DOCK3: variants seen among roughly 807,000 people sequenced by gnomAD.
DOCK3 encodes dedicator of cytokinesis protein 3.
Under a neutral mutation model 265.6 loss-of-function variants are expected in DOCK3, and 60 were observed. The ratio of observed to expected loss-of-function variants is 0.23; its 90% confidence interval spans 0.18 to 0.28. The LOEUF (loss-of-function observed/expected upper bound fraction) is 0.28, where lower values mean the gene tolerates loss of function less well. Among genes scored for constraint, DOCK3 ranks in the 10% least tolerant of loss-of-function variants. The probability of loss-of-function intolerance (pLI) is 1.00; values close to 1 mark genes in which losing one functional copy is unlikely to be tolerated. For synonymous variants in DOCK3, 881 were observed against 938.0 expected, an observed-to-expected ratio of 0.94 and a Z score of 1.11; for missense variants, 1,981 against 2,594.3, an observed-to-expected ratio of 0.76 and a Z score of 5.14.
rs1380117937 is a variant in DOCK3, at chr3:51,075,262, CACAAGATG to C, written c.465-93_465-86del. On this transcript the variant is annotated intron_variant, in intron 6 of 52. Coordinates refer to ENST00000266037, the MANE Select transcript of DOCK3 (RefSeq NM_004947.5). ...CTAGGACAGTGTCTGATCCTCTGTCCACAAGATGTGGCAGGTATGGGTTCCCAGGCACA... is the reference window on the plus strand; with the variant it reads ...CTAGGACAGTGTCTGATCCTCTGTCCTGGCAGGTATGGGTTCCCAGGCACA... 2.7e-5 allele frequency: 27 copies of C among 985,716 alleles called. No homozygotes were observed. The East Asian group carries it at 5.2e-4, about 19-fold the overall frequency. The allele number at this position is 985,716 out of a possible 1,614,324, so 61.1% of individuals were successfully genotyped here. A position where few individuals can be genotyped will look rare whatever the true frequency, so the allele number is the denominator to read the frequency against.
At chr3:50,789,450 G>A (rs999791440) in intron 2 of DOCK3, among the ~76,000 whole-genome samples, 3 of 152,168 alleles carry the variant, frequency 2.0e-5, no homozygotes, top group Non-Finnish European at 4.4e-5. Context: ...TGTATATTCT[G>A]CAGTTGTTGG....
rs975374329 is a variant in DOCK3 at position 50,819,697 on chromosome 3, C to T, written c.122-21978C>T. On this transcript the variant is annotated intron_variant, in intron 2 of 52. Transcript: ENST00000266037. ...CCATGGTGAGCCAGGCACAGTGGCTCATGCCTGTAATCCCAACAATTTGGG... is the reference window on the plus strand; with the variant it reads ...CCATGGTGAGCCAGGCACAGTGGCTTATGCCTGTAATCCCAACAATTTGGG... Among the ~76,000 whole-genome samples the T allele has an allele frequency of 5.9e-5, 9 of 152,220 alleles. 1 individual carries two copies. Among genetic ancestry groups the T allele is most frequent in the South Asian group, 4.1e-4 (2 of 4,832 alleles).
chr3:50,982,647 C>T (rs1161461378), intron 5 of DOCK3, among the ~76,000 whole-genome samples: 1 of 152,188 alleles, frequency 6.6e-6, no homozygotes, highest in Non-Finnish European at 1.5e-5. Context: ...TGGGCCTGGG[C>T]AGTGCTAGGC....
chr3:51,016,934 A>G lies in DOCK3; in HGVS notation c.316-47514A>G, dbSNP rs1172386279. On this transcript the variant is annotated intron_variant, in intron 5 of 52. Coordinates refer to ENST00000266037, the MANE Select transcript of DOCK3 (RefSeq NM_004947.5). Reference sequence around the variant, plus strand: ...TATATATAAATATATTAATATATACAATATATGTTATATATAATATATATA... The same window carrying G: ...TATATATAAATATATTAATATATACGATATATGTTATATATAATATATATA... Among the ~76,000 whole-genome samples, 186 of 74,326 alleles carry G rather than the reference A, an allele frequency of 2.5e-3. 31 individuals carry two copies. Among genetic ancestry groups the G allele is most frequent in the African/African-American group, 7.8e-3 (114 of 14,666 alleles). The allele number at this position is 74,326 out of a possible 152,430, so 48.8% of individuals were successfully genotyped here.
At chr3:51,299,280 A>G (rs1388451360) in intron 27 of DOCK3, among the ~76,000 whole-genome samples, 5 of 149,486 alleles carry the variant, frequency 3.3e-5, no homozygotes, top group Non-Finnish European at 7.4e-5. Context: ...TTTTTCTTGT[A>G]AGTTTGTTTA....
chr3:51,149,250 G>A (rs1397603902), intron 10 of DOCK3, among the ~76,000 whole-genome samples: 3 of 152,148 alleles, frequency 2.0e-5, no homozygotes, highest in Non-Finnish European at 2.9e-5. Context: ...CTGAGATAAT[G>A]GGGTTTTCTA....
chr3:50,882,368 C>G lies in DOCK3; in HGVS notation c.163-7658C>G, dbSNP rs186883038. On this transcript the variant is annotated intron_variant, in intron 3 of 52. Coordinates refer to ENST00000266037, the MANE Select transcript of DOCK3 (RefSeq NM_004947.5). ...GAGAACAGTTTTACAATCTACCCATCTGACAAAGGGCTAATATCCAGAATC... is the reference window on the plus strand; with the variant it reads ...GAGAACAGTTTTACAATCTACCCATGTGACAAAGGGCTAATATCCAGAATC... 1.4e-4 allele frequency among the ~76,000 whole-genome samples: 21 copies of G among 152,302 alleles called. No homozygotes were observed. In the East Asian group the frequency reaches 1.7e-3, roughly 13 times the overall value.
intron 1 of DOCK3, among the ~76,000 whole-genome samples, chr3:50,684,793 A>T (rs2034661251): frequency 6.6e-6 from 1 of 152,098 alleles, no homozygotes; most frequent in South Asian, 2.1e-4. Flanking sequence ...TTCTGTTAGA[A>T]TTTTTTCTAA....
intron 3 of DOCK3, among the ~76,000 whole-genome samples, chr3:50,857,595 A>T (rs1212015103): frequency 6.6e-6 from 1 of 152,204 alleles, no homozygotes; most frequent in East Asian, 1.9e-4. Context: ...ACAAGAAAAA[A>T]CACCATCAAA....
chr3:51,364,103 A>T (rs1007446364), intron 49 of DOCK3, among the ~76,000 whole-genome samples: 1 of 152,238 alleles, frequency 6.6e-6, no homozygotes, highest in African/African-American at 2.4e-5. Context: ...AGTCCCACCA[A>T]CAGTGTAAAA....
intron 22 of DOCK3, among the ~76,000 whole-genome samples, chr3:51,249,105 G>A (rs1267286780): frequency 1.5e-4 from 22 of 151,066 alleles, no homozygotes; most frequent in African/African-American, 5.1e-4. Context: ...GGAGGTGGGG[G>A]GGGTCAGCCC....
intron 5 of DOCK3, among the ~76,000 whole-genome samples, chr3:51,003,538 T>C (rs1053856125): frequency 6.6e-6 from 1 of 152,234 alleles, no homozygotes; most frequent in African/African-American, 2.4e-5. Context: ...TGGATATTAC[T>C]GAACCTATTT....
rs765695398 is a variant in DOCK3 at position 51,228,844 on chromosome 3, T to C, written c.1819+12T>C. The C allele has an allele frequency of 7.4e-6, 12 of 1,613,124 alleles. No homozygotes were observed. Among genetic ancestry groups the C allele is most frequent in the African/African-American group, 1.3e-5 (1 of 74,944 alleles). On this transcript the variant is annotated intron_variant, in intron 18 of 52. Coordinates refer to ENST00000266037, the MANE Select transcript of DOCK3 (RefSeq NM_004947.5). Reference sequence around the variant, plus strand: ...ACTCACCCAGAATGGTAGGTGATAATGCCTGCAGGGTGGTGCCCTCCACCC... The same window carrying C: ...ACTCACCCAGAATGGTAGGTGATAACGCCTGCAGGGTGGTGCCCTCCACCC...
chr3:50,779,065 A>G (rs554151354), intron 2 of DOCK3, among the ~76,000 whole-genome samples: 16 of 152,316 alleles, frequency 1.1e-4, no homozygotes, highest in Non-Finnish European at 2.1e-4. Context: ...CACATGGTAC[A>G]TGTAGTATCA....
chr3:50,829,967 G>A (rs1559695757), intron 2 of DOCK3, among the ~76,000 whole-genome samples: 1 of 152,100 alleles, frequency 6.6e-6, no homozygotes. Context: ...TAACTAAACT[G>A]TGCAAATAAA....
intron 9 of DOCK3, among the ~76,000 whole-genome samples, chr3:51,140,060 C>T (rs773611484): frequency 6.6e-6 from 1 of 152,132 alleles, no homozygotes; most frequent in South Asian, 2.1e-4. Context: ...GAGTAAACCA[C>T]GAAAAAGTTT....
chr3:51,274,793 C>T (rs1420528509), intron 24 of DOCK3, among the ~76,000 whole-genome samples: 1 of 152,036 alleles, frequency 6.6e-6, no homozygotes, highest in African/African-American at 2.4e-5. Flanking sequence ...AAAAAAGATA[C>T]TTCATTTAGA....
chr3:50,973,049 CTTTTT>C (rs71858027), intron 5 of DOCK3, among the ~76,000 whole-genome samples: 28 of 19,022 alleles, frequency 1.5e-3, no homozygotes, highest in African/African-American at 5.9e-3. Flanking sequence ...CAGTGTGTTT[CTTTTT>C]TTTTTTTTTT....
At chr3:50,995,765 A>C (rs2078258150) in intron 5 of DOCK3, among the ~76,000 whole-genome samples, 1 of 152,194 alleles carries the variant, frequency 6.6e-6, no homozygotes, top group African/African-American at 2.4e-5. Flanking sequence ...GCATAATGGG[A>C]AGAAGGGTGT....
Sources: allele counts gnomAD v4.1 joint callset (sites outside exome capture counted in the v4.1 genomes callset), GRCh38; gene constraint gnomAD v4.1.1; transcripts MANE v1.5; gene names NCBI Gene and HGNC (gene_info 2026-07-23, HGNC 2026-07-21).